The following TACC1 variants were observed in gnomAD, a reference collection of about 807,000 sequenced individuals.
TACC1 encodes transforming acidic coiled-coil containing protein 1.
TACC1 carries 48 observed loss-of-function variants against 84.4 expected under a neutral mutation model. The ratio of observed to expected loss-of-function variants is 0.57; its 90% CI spans 0.45 to 0.72. The LOEUF (loss-of-function observed/expected upper bound fraction) is 0.72, where lower values mean the gene tolerates loss of function less well. TACC1 is among the 30% of genes least tolerant of loss of function. The pLI is 0.00. For synonymous variants in TACC1, 372 were observed against 376.3 expected, an observed-to-expected ratio of 0.99 and a Z score of 0.13; for missense variants, 920 against 973.0, an observed-to-expected ratio of 0.95 and a Z score of 0.72.
intron 3 of TACC1, among the ~76,000 whole-genome samples, chr8:38,762,098 A>C (rs1201792494): frequency 2.0e-5 from 3 of 152,240 alleles, no homozygotes; most frequent in Admixed American, 1.3e-4. Flanking sequence ...CTCTCTGCAA[A>C]GCATTAAAAA....
chr8:38,739,821 A>C (rs1305764245), intron 1 of TACC1, among the ~76,000 whole-genome samples: 1 of 152,230 alleles, frequency 6.6e-6, no homozygotes, highest in Non-Finnish European at 1.5e-5. Flanking sequence ...GACAGAAAGC[A>C]GGACTGGATA....
intron 2 of TACC1, among the ~76,000 whole-genome samples, chr8:38,795,836 A>C (rs1819836936): frequency 6.6e-6 from 1 of 152,222 alleles, no homozygotes. Context: ...TTATGAGTTC[A>C]AACAAACATG....
intron 2 of TACC1, among the ~76,000 whole-genome samples, chr8:38,797,298 G>A (rs936083627): frequency 1.3e-5 from 2 of 152,222 alleles, no homozygotes; most frequent in African/African-American, 4.8e-5. Context: ...GAGACATATA[G>A]GGGCCGTCTT....
At chr8:38,831,734 A>G (rs1044610005) in intron 6 of TACC1, among the ~76,000 whole-genome samples, 2 of 151,692 alleles carry the variant, frequency 1.3e-5, no homozygotes, top group African/African-American at 4.8e-5. Flanking sequence ...GGGCTCAAGC[A>G]ATCTGCCCAC....
intron 2 of TACC1, among the ~76,000 whole-genome samples, chr8:38,794,356 C>T (rs536025512): frequency 5.0e-4 from 76 of 151,974 alleles, no homozygotes; most frequent in Non-Finnish European, 7.9e-4. Context: ...AGGCTGGTCT[C>T]GAACTCCTGG....
intron 2 of TACC1, among the ~76,000 whole-genome samples, chr8:38,794,403 T>C (rs1819489057): frequency 6.6e-6 from 1 of 152,140 alleles, no homozygotes; most frequent in South Asian, 2.1e-4. Context: ...TCCCAAAGTG[T>C]TGGGGTTACA....
intron 1 of TACC1, among the ~76,000 whole-genome samples, chr8:38,741,893 A>T (rs1807143814): frequency 6.6e-6 from 1 of 151,838 alleles, no homozygotes; most frequent in African/African-American, 2.4e-5. Flanking sequence ...TAGCCTGTTT[A>T]AAAAAAAATC....
At chr8:38,817,201 A>G (rs6474505) in intron 2 of TACC1, among the ~76,000 whole-genome samples, 1,862 of 152,326 alleles carry the variant, frequency 0.012, 40 homozygotes, top group African/African-American at 0.043. Flanking sequence ...TTGTTGTACA[A>G]CTGGCCTGTC....
At chr8:38,749,485 T>C (rs956773181) in intron 3 of TACC1, among the ~76,000 whole-genome samples, 13 of 152,122 alleles carry the variant, frequency 8.5e-5, no homozygotes, top group African/African-American at 2.7e-4. Flanking sequence ...CTCATGAATA[T>C]AAATGCAAAA....
intron 5 of TACC1, among the ~76,000 whole-genome samples, chr8:38,828,755 C>T (rs1828656745): frequency 1.3e-5 from 2 of 152,158 alleles, no homozygotes; most frequent in South Asian, 4.1e-4. Context: ...CTGCTGTGTC[C>T]TCAAATGCGA....
chr8:38,818,392 G>T (rs1385898744), intron 2 of TACC1, among the ~76,000 whole-genome samples: 1 of 152,094 alleles, frequency 6.6e-6, no homozygotes, highest in African/African-American at 2.4e-5. Context: ...TGCTACTCTT[G>T]TTTCAGATAT....
At chr8:38,802,267 G>A (rs1821573337) in intron 2 of TACC1, 1 of 152,254 alleles carries the variant, frequency 6.6e-6, no homozygotes, top group Non-Finnish European at 1.5e-5. Context: ...TAAAGCAGGG[G>A]TCCCCAACCC....
chr8:38,765,650 T>C (rs926205308), intron 3 of TACC1, among the ~76,000 whole-genome samples: 1 of 152,244 alleles, frequency 6.6e-6, no homozygotes, highest in African/African-American at 2.4e-5. Flanking sequence ...CAAGTATTAA[T>C]TGACTGCCTT....
chr8:38,785,780 A>T, upstream of TACC1: 1 of 922,668 alleles, frequency 1.1e-6, no homozygotes, highest in African/African-American at 1.8e-5. Context: ...AAGTGGTGTG[A>T]TATATTTCAC....
At position 38,842,316 on chromosome 8, in the gene TACC1, C is replaced by T; in HGVS notation, c.1990C>T (p.Gln664Ter). The T allele has an allele frequency of 2.5e-6, 4 of 1,613,842 alleles. No homozygotes were observed. Among genetic ancestry groups the T allele is most frequent in the Non-Finnish European group, 3.4e-6 (4 of 1,179,896 alleles). The change falls in exon 10 of 13, where the codon CAG (glutamine) becomes TAG (stop). Residue 664 changes from glutamine (Q) to a stop codon, truncating the protein, a stop_gained. Coordinates refer to ENST00000317827, the MANE Select transcript of TACC1 (RefSeq NM_006283.3). LOFTEE classifies it high-confidence loss of function. ...TGAACAAAGGACAAGTATGACCTCT[C>T]AGAAGAGCTTCCAGCAACTGACCAT... ...EDEQRTSMTS[Q>*]KSFQQLTMEK...
intron 6 of TACC1, among the ~76,000 whole-genome samples, chr8:38,835,630 G>C (rs996539705): frequency 6.6e-6 from 1 of 152,244 alleles, no homozygotes. Flanking sequence ...GTGAAAGGGT[G>C]GGGGTGAGAG....
intron 5 of TACC1, among the ~76,000 whole-genome samples, chr8:38,829,220 A>G (rs2152272351): frequency 6.6e-6 from 1 of 152,348 alleles, no homozygotes; most frequent in African/African-American, 2.4e-5. Context: ...ATGATCTGCC[A>G]TTAAGCCAGG....
intron 2 of TACC1, among the ~76,000 whole-genome samples, chr8:38,801,438 T>C (rs952410586): frequency 1.6e-4 from 25 of 152,362 alleles, no homozygotes; most frequent in African/African-American, 5.3e-4. Context: ...CATGTGGATA[T>C]CCAGTTGTCC....
intron 2 of TACC1, among the ~76,000 whole-genome samples, chr8:38,744,336 G>A (rs1451045712): frequency 6.6e-6 from 1 of 151,886 alleles, no homozygotes; most frequent in Non-Finnish European, 1.5e-5. Flanking sequence ...GGCTGGTTTC[G>A]AACTCCTGAC....
Sources: allele counts gnomAD v4.1 joint callset (sites outside exome capture counted in the v4.1 genomes callset), GRCh38; gene constraint gnomAD v4.1.1; transcripts MANE v1.5; gene names NCBI Gene and HGNC (gene_info 2026-07-23, HGNC 2026-07-21).